The following WASHC4 variants were observed in gnomAD, a reference collection of about 807,000 sequenced individuals.
WASHC4 encodes WASH complex subunit 7.
A neutral mutation model predicts 166.6 loss-of-function variants in WASHC4; 86 were observed. That is an observed-to-expected ratio of 0.52 (90% CI 0.43 to 0.62). The LOEUF (loss-of-function observed/expected upper bound fraction) is 0.62. WASHC4 is among the 20% of genes least tolerant of loss of function. The pLI is 0.00. For synonymous variants in WASHC4, 446 were observed against 451.6 expected, an observed-to-expected ratio of 0.99 and a Z score of 0.16; for missense variants, 1,262 against 1,382.4, an observed-to-expected ratio of 0.91 and a Z score of 1.38.
Position 105,124,482 on chromosome 12 carries a change from GT to G in WASHC4, c.787-1518del, listed in dbSNP as rs1252176793. Among the ~76,000 whole-genome samples, 5 of 148,612 alleles carry G rather than the reference GT, an allele frequency of 3.4e-5. No individual in the cohort carries two copies. The Middle Eastern group carries it at 0.011, about 316-fold the overall frequency. On this transcript the variant is annotated intron_variant, in intron 10 of 32. Coordinates refer to ENST00000332180, the MANE Select transcript of WASHC4 (RefSeq NM_015275.3). ...AACCTCTAGGTTTAGGTTTTTTTTG[GT>G]TTTGTTTTTGTTTTTGAGATGGAGT...
rs765882305 is a variant in WASHC4 at position 105,142,519 on chromosome 12, T to C, written c.1854T>C (p.Asp618=). Residue 618 remains aspartate (D), a synonymous_variant, in exon 19 of 33, where the codon GAT becomes GAC. Coordinates refer to ENST00000332180, the MANE Select transcript of WASHC4 (RefSeq NM_015275.3). ...WHRAVFPIYL[D]DVYENAVDAA... is the part of the protein sequence containing the mutation. ...GAGCTGTCTTCCCAATTTATTTAGA[T>C]GATGTATATGAAAATGCTGTTGATG... 1 of 1,606,698 alleles carries C rather than the reference T, an allele frequency of 6.2e-7. No homozygotes were observed. The highest frequency in any genetic ancestry group is 2.2e-5 in the East Asian group (1 of 44,716).
intron 14 of WASHC4, among the ~76,000 whole-genome samples, chr12:105,135,103 CCT>C (rs1882195639): frequency 6.6e-6 from 1 of 151,736 alleles, no homozygotes; most frequent in Middle Eastern, 3.4e-3. Flanking sequence ...TATTTATCTC[CCT>C]CTCATCTTCT....
At chr12:105,141,341 C>T in intron 18 of WASHC4, 95 bp downstream of exon 18, 1 of 918,836 alleles carries the variant, frequency 1.1e-6, no homozygotes, top group Non-Finnish European at 1.8e-6. Flanking sequence ...AAATAAAATT[C>T]AGATCGAGCA....
intron 28 of WASHC4, among the ~76,000 whole-genome samples, chr12:105,158,012 C>T (rs1180899862): frequency 1.3e-5 from 2 of 151,738 alleles, no homozygotes; most frequent in Non-Finnish European, 2.9e-5. Context: ...CACCCCTGGG[C>T]AAGGGGGAGA....
At chr12:105,143,313 G>T (rs1189802305) in intron 20 of WASHC4, 70 bp downstream of exon 20, 96 of 864,458 alleles carry the variant, frequency 1.1e-4, no homozygotes, top group Non-Finnish European at 1.7e-4. Flanking sequence ...AAAAATGTTC[G>T]ATTGAAGCAG....
chr12:105,121,925 A>G (rs536753085), intron 9 of WASHC4, among the ~76,000 whole-genome samples, 193 bp from the exon 10 acceptor site: 1 of 152,214 alleles, frequency 6.6e-6, no homozygotes, highest in Non-Finnish European at 1.5e-5. Flanking sequence ...TGTACAGATT[A>G]TGAGGCATTT....
intron 13 of WASHC4, among the ~76,000 whole-genome samples, chr12:105,130,147 G>A (rs1881667628): frequency 6.6e-6 from 1 of 152,186 alleles, no homozygotes; most frequent in Non-Finnish European, 1.5e-5. Flanking sequence ...CTACAGCCCA[G>A]GCTGTTAACT....
Position 105,143,070 on chromosome 12 carries a change from G to A in WASHC4, c.1894-57G>A, listed in dbSNP as rs1229407895. On this transcript the variant is annotated intron_variant, in intron 19 of 32. Transcript: ENST00000332180. ...CAAGATAATTAACTTTTGCAGTATT[G>A]TTTAGATTAGAGACCTGGTTTTTCT... 3.8e-6 allele frequency: 4 copies of A among 1,046,768 alleles called. No individual in the cohort carries two copies. The East Asian group carries it at 7.1e-5, about 19-fold the overall frequency. 64.8% of individuals were successfully genotyped at this position (1,046,768 alleles called of 1,614,324 possible). A position where few individuals can be genotyped will look rare whatever the true frequency, so the allele number is the denominator to read the frequency against.
chr12:105,114,490 A>T (rs1879988528), intron 4 of WASHC4, 63 bp downstream of exon 4: 2 of 1,026,750 alleles, frequency 1.9e-6, no homozygotes, highest in East Asian at 2.6e-5. Context: ...GTATGTGTTT[A>T]TATATGTACA....
At chr12:105,166,576 G>A (rs1884819982) in intron 32 of WASHC4, among the ~76,000 whole-genome samples, 1 of 152,056 alleles carries the variant, frequency 6.6e-6, no homozygotes, top group Non-Finnish European at 1.5e-5. Context: ...AGATTCCTCA[G>A]GACAAAGGAG....
intron 25 of WASHC4, 80 bp downstream of exon 25, chr12:105,149,829 A>T: frequency 7.3e-7 from 1 of 1,377,802 alleles, no homozygotes. Context: ...TTCATTATTT[A>T]GATCTCTATT....
intron 29 of WASHC4, among the ~76,000 whole-genome samples, chr12:105,160,374 G>A (rs1289725186): frequency 6.6e-6 from 1 of 152,070 alleles, no homozygotes; most frequent in East Asian, 1.9e-4. Flanking sequence ...CTGAGATGGG[G>A]TCTTGCCCTG....
At chr12:105,164,546 AAATAAT>A (rs146551772) in intron 31 of WASHC4, 89 bp from the exon 32 acceptor site, 12 of 933,342 alleles carry the variant, frequency 1.3e-5, no homozygotes, top group Non-Finnish European at 1.7e-5. Flanking sequence ...GAGCTTTTAA[AAATAAT>A]AATAAGAGGC....
At chr12:105,121,332 C>T in intron 9 of WASHC4, 128 bp downstream of exon 9, 1 of 670,248 alleles carries the variant, frequency 1.5e-6, no homozygotes, top group Non-Finnish European at 2.6e-6. Context: ...AGAAGGAGCT[C>T]ATATCAAATA....
chr12:105,164,372 G>A (rs933724014), intron 31 of WASHC4, 65 bp downstream of exon 31: 94 of 1,393,510 alleles, frequency 6.7e-5, no homozygotes, highest in Non-Finnish European at 1.1e-5. Context: ...ACTTCTTAAT[G>A]TCTGAAAAGC....
At chr12:105,164,868 AGTCTTTT>A in intron 32 of WASHC4, 128 bp downstream of exon 32, 1 of 673,320 alleles carries the variant, frequency 1.5e-6, no homozygotes, top group Admixed American at 2.9e-5. Context: ...CCTAGCATTA[AGTCTTTT>A]AAAAAAAGTA....
chr12:105,112,261 A>C (rs1879765467), intron 2 of WASHC4, among the ~76,000 whole-genome samples: 1 of 152,144 alleles, frequency 6.6e-6, no homozygotes, highest in Non-Finnish European at 1.5e-5. Context: ...ATAATATTCC[A>C]TTGTAAGGAA....
At chr12:105,137,819 T>G in intron 14 of WASHC4, 67 bp from the exon 15 acceptor site, 1 of 1,367,608 alleles carries the variant, frequency 7.3e-7, no homozygotes, top group South Asian at 1.2e-5. Flanking sequence ...ATAGCTGCTG[T>G]TAAATAGATA....
At chr12:105,111,422 C>T (rs914844624) in intron 2 of WASHC4, among the ~76,000 whole-genome samples, 158 bp downstream of exon 2, 14 of 152,222 alleles carry the variant, frequency 9.2e-5, no homozygotes, top group African/African-American at 2.9e-4. Context: ...CTAAGCCATG[C>T]AGATGTTTTT....
Sources: gnomAD v4.1 joint callset for allele counts (sites outside exome capture counted in the v4.1 genomes callset) on GRCh38, gnomAD v4.1.1 for gene constraint, MANE v1.5 for transcripts, NCBI Gene and HGNC (gene_info 2026-07-23, HGNC 2026-07-21) for gene names.